Variants in ROBO2 observed in about 807,000 individuals in gnomAD.
ROBO2 encodes the protein roundabout homolog 2.
A neutral mutation model predicts 160.8 loss-of-function variants in ROBO2; 53 were observed. The observed-to-expected ratio is 0.33, with a 90% CI of 0.26 to 0.41. The LOEUF is 0.41. Ranked by LOEUF, ROBO2 falls within the 10% of genes least tolerant of loss-of-function variation. ROBO2 has a pLI of 1.00. For synonymous variants in ROBO2, 664 were observed against 611.7 expected, an observed-to-expected ratio of 1.09 and a Z score of -1.26; for missense variants, 1,577 against 1,722.4, an observed-to-expected ratio of 0.92 and a Z score of 1.49.
At chr3:76,943,609 A>C (rs1388342297) in intron 2 of ROBO2, among the ~76,000 whole-genome samples, 1 of 152,242 alleles carries the variant, frequency 6.6e-6, no homozygotes, top group Non-Finnish European at 1.5e-5. Context: ...TGGATTTTGC[A>C]CAACAAATTT....
chr3:75,954,272 A>C (rs1948652024), intron 2 of ROBO2, among the ~76,000 whole-genome samples: 1 of 151,796 alleles, frequency 6.6e-6, no homozygotes, highest in African/African-American at 2.4e-5. Flanking sequence ...ACCACTCTCA[A>C]GGACACTTGA....
At chr3:76,846,867 C>T (rs2068822137) in intron 2 of ROBO2, among the ~76,000 whole-genome samples, 1 of 152,072 alleles carries the variant, frequency 6.6e-6, no homozygotes, top group Non-Finnish European at 1.5e-5. Flanking sequence ...TGGTCTGTAG[C>T]TATAATTCAG....
At chr3:77,187,745 A>G (rs2081408155) in intron 2 of ROBO2, among the ~76,000 whole-genome samples, 2 of 151,938 alleles carry the variant, frequency 1.3e-5, no homozygotes, top group Non-Finnish European at 2.9e-5. Flanking sequence ...TCAGTCCCCA[A>G]AAGTTCAGTC....
intron 2 of ROBO2, among the ~76,000 whole-genome samples, chr3:76,817,113 C>T (rs2065737425): frequency 6.6e-6 from 1 of 151,934 alleles, no homozygotes; most frequent in South Asian, 2.1e-4. Context: ...GGAGAAATAC[C>T]TAATGTAGGG....
At chr3:77,466,638 G>A (rs916310389) in intron 2 of ROBO2, among the ~76,000 whole-genome samples, 9 of 152,062 alleles carry the variant, frequency 5.9e-5, no homozygotes, top group Admixed American at 2.0e-4. Context: ...GTTGAGTTTC[G>A]GGTAGAGGGG....
chr3:76,196,507 A>C (rs926671391), intron 2 of ROBO2, among the ~76,000 whole-genome samples: 14 of 152,098 alleles, frequency 9.2e-5, no homozygotes, highest in African/African-American at 3.4e-4. Flanking sequence ...TCCACATCTC[A>C]AAGGGTTAGT....
At chr3:77,099,464 A>AT (rs1398251044) in intron 2 of ROBO2, among the ~76,000 whole-genome samples, 3 of 152,088 alleles carry the variant, frequency 2.0e-5, no homozygotes, top group Non-Finnish European at 1.5e-5. Context: ...TAAGACCCAT[A>AT]TTTTTTATTT....
chr3:76,578,794 C>T (rs540516721), intron 2 of ROBO2, among the ~76,000 whole-genome samples: 35 of 152,226 alleles, frequency 2.3e-4, no homozygotes, highest in Admixed American at 1.6e-3. Flanking sequence ...ACAGCCTCCA[C>T]GGCATCTGTA....
chr3:76,564,624 T>C (rs1188898574), intron 2 of ROBO2, among the ~76,000 whole-genome samples: 1 of 152,214 alleles, frequency 6.6e-6, no homozygotes, highest in Non-Finnish European at 1.5e-5. Context: ...TTCCAGGCTC[T>C]GTGAGGCCAT....
chr3:76,122,734 C>T lies in ROBO2; in HGVS notation c.109+185132C>T, dbSNP rs181860261. On this transcript the variant is annotated intron_variant, in intron 2 of 26. Transcript: ENST00000487694. ...TAATGTATTTATCTGTTTCTCCCTACGTGCTCTCTCTGCTTTATGGTTGTT... is the reference window on the plus strand; with the variant it reads ...TAATGTATTTATCTGTTTCTCCCTATGTGCTCTCTCTGCTTTATGGTTGTT... Among the ~76,000 whole-genome samples, 18 of 152,216 alleles carry T rather than the reference C, an allele frequency of 1.2e-4. No homozygotes were observed. The East Asian group carries it at 2.7e-3, about 23-fold the overall frequency.
intron 2 of ROBO2, among the ~76,000 whole-genome samples, chr3:76,920,622 T>C (rs557309230): frequency 6.6e-6 from 1 of 152,362 alleles, no homozygotes; most frequent in South Asian, 2.1e-4. Context: ...TTTAAGTACA[T>C]AGTCTTTCAA....
rs538561695 is a variant in ROBO2, at chr3:76,601,222, G to T, written c.110-496792G>T. ...CACAGGCTGGTGTTGAGTGCCTGAA[G>T]CTTTTCCAGGTGCATGGTGCAAGCT... On this transcript the variant is annotated intron_variant, in intron 2 of 26. Coordinates refer to the ROBO2 transcript ENST00000487694. Among the ~76,000 whole-genome samples, 43 of 152,312 alleles carry T rather than the reference G, an allele frequency of 2.8e-4. No individual in the cohort carries two copies. In the East Asian group the frequency reaches 8.0e-3, roughly 28 times the overall value.
At chr3:76,814,101 G>A (rs2065445789) in intron 2 of ROBO2, among the ~76,000 whole-genome samples, 1 of 152,022 alleles carries the variant, frequency 6.6e-6, no homozygotes, top group Non-Finnish European at 1.5e-5. Context: ...AACTAGATGG[G>A]CAAATTAAAA....
chr3:76,692,696 G>A (rs899963460), intron 2 of ROBO2, among the ~76,000 whole-genome samples: 5 of 151,960 alleles, frequency 3.3e-5, no homozygotes, highest in Non-Finnish European at 5.9e-5. Context: ...TTTCCAAGGG[G>A]AAGCTTTAAA....
intron 2 of ROBO2, among the ~76,000 whole-genome samples, chr3:76,272,809 ATAATATGTATT>A: frequency 1.6e-5 from 1 of 62,948 alleles, no homozygotes; most frequent in Admixed American, 3.3e-4. Context: ...TATAAAATAT[ATAATATGTATT>A]TATATATAAA....
At chr3:75,968,929 TTA>T (rs2064896605) in intron 2 of ROBO2, among the ~76,000 whole-genome samples, 1 of 144,606 alleles carries the variant, frequency 6.9e-6, no homozygotes, top group Admixed American at 6.9e-5. Context: ...TTGGCTTGTT[TTA>T]GATAGTACAT....
intron 2 of ROBO2, among the ~76,000 whole-genome samples, chr3:76,180,115 T>C (rs779715331): frequency 2.0e-5 from 3 of 152,146 alleles, no homozygotes; most frequent in Non-Finnish European, 2.9e-5. Flanking sequence ...ATCAAAGGTA[T>C]TTCCTCAGTG....
chr3:76,414,339 T>C (rs920784121), intron 2 of ROBO2, among the ~76,000 whole-genome samples: 2 of 152,168 alleles, frequency 1.3e-5, no homozygotes, highest in African/African-American at 2.4e-5. Context: ...TTTCAAATTG[T>C]ATGTAGCACA....
chr3:77,165,400 A>G (rs968632901), intron 2 of ROBO2, among the ~76,000 whole-genome samples: 5 of 145,570 alleles, frequency 3.4e-5, no homozygotes, highest in Admixed American at 6.9e-5. Context: ...CCCTAATCTC[A>G]AGTAATCAGG....
Sources: allele counts gnomAD v4.1 joint callset (sites outside exome capture counted in the v4.1 genomes callset), GRCh38; gene constraint gnomAD v4.1.1; transcripts MANE v1.5; gene names NCBI Gene and HGNC (gene_info 2026-07-23, HGNC 2026-07-21).